The following RNF175 variants were observed in gnomAD, a reference collection of about 807,000 sequenced individuals.
RNF175 encodes the protein ring finger protein 175.
A neutral mutation model predicts 50.0 loss-of-function variants in RNF175; 38 were observed. The observed-to-expected ratio is 0.76, with a 90% CI of 0.59 to 1.00. RNF175 has a LOEUF of 1.00. Among genes scored for constraint, RNF175 ranks in the 50% least tolerant of loss-of-function variants. The probability of loss-of-function intolerance (pLI) is 0.00; values close to 1 mark genes in which losing one functional copy is unlikely to be tolerated. For missense variants in RNF175, 388 were observed against 409.6 expected (o/e 0.95, Z 0.46); for synonymous variants, 155 against 146.1 (o/e 1.06, Z -0.44).
At position 153,712,500 on chromosome 4, in the gene RNF175, C is replaced by A; in HGVS notation, c.841G>T (p.Asp281Tyr). 4 of 1,608,786 alleles carry A rather than the reference C, an allele frequency of 2.5e-6. No individual in the cohort carries two copies. Among genetic ancestry groups the A allele is most frequent in the Non-Finnish European group, 3.4e-6 (4 of 1,175,548 alleles). ...QTCPYCKEKV[D>Y]LKRMISNPWE... ...GGATTACTGATCATCCTCTTCAAAT[C>A]AACTTTCTCTTTGCAGTAAGGGCAA... Residue 281 changes from aspartate to tyrosine, a missense_variant, in exon 8 of 9, where the codon GAT becomes TAT. Asp to Tyr is a radical substitution (Grantham distance 160). Coordinates refer to ENST00000347063, the MANE Select transcript of RNF175 (RefSeq NM_173662.4).
Position 153,728,370 on chromosome 4 carries a change from G to T in RNF175, c.247-9C>A, listed in dbSNP as rs752536166. ...TGCAACAAGGTCACCAGCTGTCAGA[G>T]AAATGAACAGGAAGTATCTTTCAAT... On this transcript the variant is annotated splice_polypyrimidine_tract_variant and intron_variant, in intron 3 of 8. Coordinates refer to ENST00000347063, the MANE Select transcript of RNF175 (RefSeq NM_173662.4). The T allele has an allele frequency of 6.2e-7, 1 of 1,612,626 alleles. No homozygotes were observed. The highest frequency in any genetic ancestry group is 2.2e-5 in the East Asian group (1 of 44,878).
intron 1 of RNF175, among the ~76,000 whole-genome samples, chr4:153,752,428 A>G (rs1313419655): frequency 2.6e-5 from 4 of 152,232 alleles, no homozygotes; most frequent in Non-Finnish European, 5.9e-5. Context: ...GCCATGGAGA[A>G]GTTGCCAGTA....
intron 3 of RNF175, chr4:153,748,423 C>T: frequency 2.3e-6 from 1 of 427,364 alleles, no homozygotes; most frequent in African/African-American, 2.0e-5. Context: ...CCAGTTGCAA[C>T]TCCCCTCCCC....
chr4:153,731,586 A>T (rs772632669), intron 3 of RNF175, among the ~76,000 whole-genome samples: 9 of 152,080 alleles, frequency 5.9e-5, no homozygotes, highest in Non-Finnish European at 1.2e-4. Flanking sequence ...AGCTAAAACA[A>T]AGATACCTTT....
intron 3 of RNF175, among the ~76,000 whole-genome samples, chr4:153,739,060 T>C (rs1739505497): frequency 1.3e-5 from 2 of 152,210 alleles, no homozygotes; most frequent in South Asian, 4.1e-4. Context: ...CAGTTATCCA[T>C]ATAACATAAT....
chr4:153,714,100 G>C (rs1315274217), intron 7 of RNF175: 5 of 152,174 alleles, frequency 3.3e-5, no homozygotes, highest in African/African-American at 9.7e-5. Flanking sequence ...CTACATTTTA[G>C]ATTATATATG....
intron 3 of RNF175, among the ~76,000 whole-genome samples, chr4:153,742,607 G>A (rs975980157): frequency 6.6e-6 from 1 of 152,064 alleles, no homozygotes; most frequent in African/African-American, 2.4e-5. Context: ...TTCTTGATAT[G>A]AGAGCAAATA....
In RNF175 at chr4:153,748,759, C is replaced by T; in HGVS notation, c.132G>A (p.Met44Ile). ...CGTGCATGGAATCGTGGCCCCGGTGCATCTTGTACATCCTCTCCTGCTGCA... is the reference window on the plus strand; with the variant it reads ...CGTGCATGGAATCGTGGCCCCGGTGTATCTTGTACATCCTCTCCTGCTGCA... ...WNLQQERMYKMHRGHDSMHVE... is the reference protein window; with the variant it reads ...WNLQQERMYKIHRGHDSMHVE... Residue 44 changes from methionine (M) to isoleucine (I), a missense_variant, in exon 3 of 9, where the codon ATG becomes ATA. Coordinates refer to ENST00000347063, the MANE Select transcript of RNF175 (RefSeq NM_173662.4). 1 of 1,611,940 alleles carries T rather than the reference C, an allele frequency of 6.2e-7. No homozygotes were observed. Among genetic ancestry groups the T allele is most frequent in the Non-Finnish European group, 8.5e-7 (1 of 1,179,096 alleles).
chr4:153,753,986 T>C (rs1404702821), intron 1 of RNF175, among the ~76,000 whole-genome samples: 33 of 151,030 alleles, frequency 2.2e-4, no homozygotes, highest in East Asian at 1.6e-3. Flanking sequence ...CTGGCTAACA[T>C]GGTGAAATCC....
At chr4:153,749,451 G>C (rs544285591) in intron 2 of RNF175, among the ~76,000 whole-genome samples, 100 of 152,256 alleles carry the variant, frequency 6.6e-4, no homozygotes, top group Admixed American at 4.0e-3. Context: ...ATTATCCAGG[G>C]GGCAATGGAA....
intron 3 of RNF175, among the ~76,000 whole-genome samples, chr4:153,742,375 A>G (rs547070290): frequency 6.6e-6 from 1 of 152,206 alleles, no homozygotes; most frequent in African/African-American, 2.4e-5. Flanking sequence ...ATCTCCTCAT[A>G]GAGGATGTAA....
In RNF175 at chr4:153,728,338, C is replaced by T; in HGVS notation, c.270G>A (p.Trp90Ter). ...SYNLVTLLQM[W>*]VVPLYFTIKL... ...TTATCGTGAAATATAAGGGGACAAC[C>T]CACATCTGCAACAAGGTCACCAGCT... Residue 90 changes from tryptophan to a stop codon, truncating the protein, a stop_gained, in exon 4 of 9, where the codon TGG (tryptophan) becomes TGA (stop). Transcript: ENST00000347063. LOFTEE classifies it high-confidence loss of function. 6 of 1,613,682 alleles carry T rather than the reference C, an allele frequency of 3.7e-6. No individual in the cohort carries two copies. Among genetic ancestry groups the T allele is most frequent in the Non-Finnish European group, 5.1e-6 (6 of 1,179,730 alleles).
chr4:153,721,258 T>C (rs1738322631), intron 5 of RNF175: 1 of 152,164 alleles, frequency 6.6e-6, no homozygotes, highest in African/African-American at 2.4e-5. Context: ...TTGCTCTATC[T>C]ATAAAACAAT....
In RNF175 at chr4:153,710,550, G is replaced by T. The variant is rs940329348; in HGVS notation, c.867-61C>A. 1.9e-5 allele frequency: 29 copies of T among 1,499,800 alleles called. No homozygotes were observed. The Admixed American group carries it at 3.4e-4, about 18-fold the overall frequency. The allele number at this position is 1,499,800 out of a possible 1,614,324, so 92.9% of individuals were successfully genotyped here. On this transcript the variant is annotated intron_variant, in intron 8 of 8. Transcript: ENST00000347063. ...CCAAGTAGCAGAAATATTCATAAAT[G>T]TCATTTGCAAATATAATAAACAATG...
intron 1 of RNF175, among the ~76,000 whole-genome samples, chr4:153,758,310 C>T (rs949613936): frequency 1.3e-5 from 2 of 152,122 alleles, no homozygotes; most frequent in Non-Finnish European, 2.9e-5. Context: ...GTGGGTCTGG[C>T]GTGGGAACTG....
chr4:153,748,655 C>T lies in RNF175; in HGVS notation c.236G>A (p.Arg79Gln), dbSNP rs569808365. ...VLVQWRQRHG[R>Q]SYNLVTLLQM... Reference sequence around the variant, plus strand: ...ACGGGGATGACTCACATTGTAGGATCGGCCATGCCTCTGTCTCCACTGAAC... The same window carrying T: ...ACGGGGATGACTCACATTGTAGGATTGGCCATGCCTCTGTCTCCACTGAAC... Residue 79 changes from arginine (R) to glutamine (Q), a missense_variant, in exon 3 of 9, where the codon CGA becomes CAA. Coordinates refer to ENST00000347063, the MANE Select transcript of RNF175 (RefSeq NM_173662.4). The T allele has an allele frequency of 4.8e-5, 77 of 1,589,830 alleles. No homozygotes were observed. The highest frequency in any genetic ancestry group is 3.0e-4 in the Admixed American group (17 of 56,776).
intron 3 of RNF175, among the ~76,000 whole-genome samples, chr4:153,729,281 A>G (rs1461848720): frequency 6.6e-6 from 1 of 152,206 alleles, no homozygotes; most frequent in African/African-American, 2.4e-5. Flanking sequence ...GGTGTACGTT[A>G]ACTAATTTTT....
At chr4:153,747,959 T>C (rs1265561352) in intron 3 of RNF175, among the ~76,000 whole-genome samples, 5 of 152,264 alleles carry the variant, frequency 3.3e-5, no homozygotes, top group Admixed American at 3.3e-4. Flanking sequence ...AAGGGCCTTC[T>C]TGCTGTGTCA....
chr4:153,721,043 T>C (rs563356769), intron 5 of RNF175, among the ~76,000 whole-genome samples: 1 of 152,314 alleles, frequency 6.6e-6, no homozygotes, highest in South Asian at 2.1e-4. Flanking sequence ...AGCTCACATC[T>C]TGAAGCCCTT....
Sources: gnomAD v4.1 joint callset for allele counts (sites outside exome capture counted in the v4.1 genomes callset) on GRCh38, gnomAD v4.1.1 for gene constraint, MANE v1.5 for transcripts, NCBI Gene and HGNC (gene_info 2026-07-23, HGNC 2026-07-21) for gene names.